The following ETF1 variants were observed in gnomAD, a reference collection of about 807,000 sequenced individuals.
ETF1 encodes the protein eukaryotic translation termination factor 1.
ETF1 carries 4 observed loss-of-function variants against 55.1 expected under a neutral mutation model. The ratio of observed to expected loss-of-function variants is 0.07; its 90% CI spans 0.04 to 0.17. ETF1 has a LOEUF of 0.17. Among genes scored for constraint, ETF1 ranks in the 10% least tolerant of loss-of-function variants. ETF1 has a pLI of 1.00. For missense variants in ETF1, 142 were observed against 523.6 expected (o/e 0.27, Z 7.11); for synonymous variants, 157 against 182.3 (o/e 0.86, Z 1.12).
At chr5:138,529,827 A>C in intron 2 of ETF1, 1 of 483,918 alleles carries the variant, frequency 2.1e-6, no homozygotes, top group Non-Finnish European at 2.7e-6. Context: ...ATCACAGCTC[A>C]CTGTAACCTG....
chr5:138,521,064 T>TA (rs1488159101), intron 2 of ETF1, among the ~76,000 whole-genome samples: 2 of 152,072 alleles, frequency 1.3e-5, no homozygotes, highest in Non-Finnish European at 2.9e-5. Context: ...CACAATAGCC[T>TA]AGAGGTGGAA....
intron 2 of ETF1, among the ~76,000 whole-genome samples, chr5:138,522,612 AAAC>A (rs1463032436): frequency 6.6e-6 from 1 of 152,158 alleles, no homozygotes; most frequent in Non-Finnish European, 1.5e-5. Context: ...CGAAAAAAAG[AAAC>A]AACCCATATG....
chr5:138,507,483 T>C lies in ETF1; in HGVS notation c.*822A>G, dbSNP rs561574041. The stretch of plus-strand genomic sequence containing the variant: ...GTTTTATTTCTCCCAATCCCAGCAA[T>C]AGCACAGAAGCCCCATCATATCCAT... On this transcript the variant is annotated 3_prime_UTR_variant, in exon 11 of 11. Transcript: ENST00000360541. The C allele has an allele frequency of 5.2e-5, 8 of 152,718 alleles. No homozygotes were observed. In the South Asian group the frequency reaches 1.4e-3, roughly 28 times the overall value. 9.5% of individuals were successfully genotyped at this position (152,718 alleles called of 1,614,324 possible). A position where few individuals can be genotyped will look rare whatever the true frequency, so the allele number is the denominator to read the frequency against.
chr5:138,517,938 A>G (rs767025497), intron 3 of ETF1: 26 of 969,236 alleles, frequency 2.7e-5, no homozygotes, highest in Non-Finnish European at 2.9e-5. Flanking sequence ...GTGGTGGCTC[A>G]CGCCTGTAAT....
chr5:138,511,194 T>A lies in ETF1; in HGVS notation c.869A>T (p.Tyr290Phe). Residue 290 changes from tyrosine (Y) to phenylalanine (F), a missense_variant, in exon 8 of 11, where the codon TAC (tyrosine) becomes TTC (phenylalanine). Physicochemically the swap from Tyr to Phe is conservative, Grantham distance 22. Coordinates refer to ENST00000360541, the MANE Select transcript of ETF1 (RefSeq NM_004730.4). Reference protein sequence around the residue: ...FIQEKKLIGRYFDEISQDTGK... With the variant: ...FIQEKKLIGRFFDEISQDTGK... ...CGTGTCCTGGCTGATTTCATCAAAG[T>A]ATCGTCCTACGATTAGGGATCAGTC... 4 of 1,614,110 alleles carry A rather than the reference T, an allele frequency of 2.5e-6. No homozygotes were observed. The highest frequency in any genetic ancestry group is 3.4e-6 in the Non-Finnish European group (4 of 1,180,016).
chr5:138,528,408 TAAGC>T (rs1041901690), intron 2 of ETF1, among the ~76,000 whole-genome samples: 3 of 152,242 alleles, frequency 2.0e-5, no homozygotes, highest in Non-Finnish European at 4.4e-5. Context: ...AAACATTCAT[TAAGC>T]AACCCTACTG....
At chr5:138,528,019 G>A (rs1030397603) in intron 2 of ETF1, among the ~76,000 whole-genome samples, 1 of 152,072 alleles carries the variant, frequency 6.6e-6, no homozygotes, top group Non-Finnish European at 1.5e-5. Context: ...TGATCCGCCC[G>A]CCTCAGCCTC....
At chr5:138,509,763 C>T (rs181904386) in intron 9 of ETF1, among the ~76,000 whole-genome samples, 114 of 151,732 alleles carry the variant, frequency 7.5e-4, no homozygotes, top group African/African-American at 2.6e-3. Flanking sequence ...GGCGTGGTGG[C>T]GGGCGCCTGT....
chr5:138,525,906 A>C (rs1294859684), intron 2 of ETF1, among the ~76,000 whole-genome samples: 8 of 147,476 alleles, frequency 5.4e-5, no homozygotes, highest in Admixed American at 4.9e-4. Context: ...AGATCACGCC[A>C]CTCACTTCAG....
intron 2 of ETF1, among the ~76,000 whole-genome samples, chr5:138,525,720 T>C (rs556389102): frequency 6.6e-6 from 1 of 151,286 alleles, no homozygotes. Context: ...CCGAGGCGGG[T>C]GGATCACCTG....
At chr5:138,512,665 A>G in intron 6 of ETF1, 99 bp downstream of exon 6, 2 of 1,134,178 alleles carry the variant, frequency 1.8e-6, no homozygotes, top group Non-Finnish European at 2.4e-6. Context: ...TTTTAACCCA[A>G]GGAATTTTAA....
At chr5:138,539,500 T>G (rs2127136928) in intron 2 of ETF1, among the ~76,000 whole-genome samples, 1 of 152,356 alleles carries the variant, frequency 6.6e-6, no homozygotes, top group South Asian at 2.1e-4. Flanking sequence ...AGGGAAGAAC[T>G]ACCATCAACT....
intron 2 of ETF1, among the ~76,000 whole-genome samples, chr5:138,524,058 T>C (rs1288001113): frequency 1.3e-5 from 2 of 152,104 alleles, no homozygotes; most frequent in Non-Finnish European, 2.9e-5. Flanking sequence ...TGGTGGCTCA[T>C]GCCTGTAATC....
intron 9 of ETF1, 94 bp from the exon 10 acceptor site, chr5:138,508,910 C>A: frequency 6.6e-7 from 1 of 1,514,626 alleles, no homozygotes; most frequent in South Asian, 1.3e-5. Context: ...CTATCACTCT[C>A]ATCCTCCCAT....
chr5:138,541,769 G>T (rs1488782989), intron 2 of ETF1: 1 of 440,404 alleles, frequency 2.3e-6, no homozygotes, highest in East Asian at 8.7e-5. Flanking sequence ...TTTTTTTGGG[G>T]GGGGGGGCAC....
chr5:138,515,663 A>C (rs1248747205), intron 4 of ETF1, among the ~76,000 whole-genome samples: 6 of 152,238 alleles, frequency 3.9e-5, no homozygotes, highest in Non-Finnish European at 7.3e-5. Flanking sequence ...AAAAGGAGTT[A>C]AGGTTTGGAA....
chr5:138,532,120 T>G (rs1261009893), intron 2 of ETF1, among the ~76,000 whole-genome samples: 1 of 152,160 alleles, frequency 6.6e-6, no homozygotes, highest in Non-Finnish European at 1.5e-5. Context: ...AAGCCAGCAG[T>G]ATTACATGGA....
At chr5:138,537,497 A>G (rs1241897564) in intron 2 of ETF1, among the ~76,000 whole-genome samples, 1 of 152,184 alleles carries the variant, frequency 6.6e-6, no homozygotes, top group Non-Finnish European at 1.5e-5. Flanking sequence ...AGAAGTCTGT[A>G]GTTGTTTGTT....
rs1171211020 is a variant in ETF1, at chr5:138,540,301, A to T, written c.86+2532T>A. On this transcript the variant is annotated intron_variant, in intron 2 of 10. Coordinates refer to ENST00000360541, the MANE Select transcript of ETF1 (RefSeq NM_004730.4). ...CTAAGTCTCACTACCTTGTCCTAATAACCATGCCTGAAAACCTCAGTTTCC... is the reference window on the plus strand; with the variant it reads ...CTAAGTCTCACTACCTTGTCCTAATTACCATGCCTGAAAACCTCAGTTTCC... Among the ~76,000 whole-genome samples the T allele has an allele frequency of 3.3e-5, 5 of 152,316 alleles. No individual in the cohort carries two copies. The East Asian group carries it at 9.6e-4, about 29-fold the overall frequency.
Sources: gnomAD v4.1 joint callset for allele counts (sites outside exome capture counted in the v4.1 genomes callset) on GRCh38, gnomAD v4.1.1 for gene constraint, MANE v1.5 for transcripts, NCBI Gene and HGNC (gene_info 2026-07-23, HGNC 2026-07-21) for gene names.